GRM7: variants seen among roughly 807,000 people sequenced by gnomAD.
GRM7 encodes glutamate metabotropic receptor 7.
In GRM7, 35 loss-of-function variants were observed where a neutral mutation model predicts 84.5. The observed-to-expected ratio is 0.41, with a 90% CI of 0.32 to 0.55. The LOEUF (loss-of-function observed/expected upper bound fraction) is 0.55, where lower values mean the gene tolerates loss of function less well. GRM7 is among the 20% of genes least tolerant of loss of function. The pLI is 0.19. For synonymous variants in GRM7, 487 were observed against 455.1 expected, an observed-to-expected ratio of 1.07 and a Z score of -0.89; for missense variants, 1,003 against 1,194.6, an observed-to-expected ratio of 0.84 and a Z score of 2.36.
At chr3:7,400,168 C>T (rs1056005002) in intron 4 of GRM7, among the ~76,000 whole-genome samples, 1 of 152,118 alleles carries the variant, frequency 6.6e-6, no homozygotes, top group African/African-American at 2.4e-5. Flanking sequence ...ATCTGGTGAA[C>T]CTGAGACAGG....
chr3:6,942,602 T>C (rs1697930411), intron 1 of GRM7, among the ~76,000 whole-genome samples: 1 of 152,134 alleles, frequency 6.6e-6, no homozygotes, highest in Non-Finnish European at 1.5e-5. Flanking sequence ...CATTGTATAG[T>C]TCACACCACA....
intron 5 of GRM7, among the ~76,000 whole-genome samples, chr3:7,446,689 A>G (rs1460166195): frequency 6.6e-6 from 1 of 151,634 alleles, no homozygotes; most frequent in Non-Finnish European, 1.5e-5. Context: ...TGAACTCCTG[A>G]CCTCAGGTGA....
At chr3:7,595,935 C>T (rs1448810033) in intron 8 of GRM7, among the ~76,000 whole-genome samples, 1 of 152,092 alleles carries the variant, frequency 6.6e-6, no homozygotes, top group Non-Finnish European at 1.5e-5. Context: ...TGATTTTGAG[C>T]ATGAGCTGAC....
intron 1 of GRM7, among the ~76,000 whole-genome samples, chr3:7,117,556 C>A (rs562465150): frequency 6.6e-6 from 1 of 152,120 alleles, no homozygotes; most frequent in Non-Finnish European, 1.5e-5. Context: ...CTCTGGGGCC[C>A]TCCTGGGTAT....
rs980021628 is a variant in GRM7, at chr3:7,370,770, G to C, written c.1034-44253G>C. On this transcript the variant is annotated intron_variant, in intron 4 of 9. Transcript: ENST00000357716. The stretch of plus-strand genomic sequence containing the variant: ...AGAAATCGTGTACATCAGTGTCAGG[G>C]TTGGTACTTTAATATGTTTGGTGCA... Among the ~76,000 whole-genome samples, 6 of 152,120 alleles carry C rather than the reference G, an allele frequency of 3.9e-5. No homozygotes were observed. The East Asian group carries it at 5.8e-4, about 15-fold the overall frequency.
At chr3:6,874,386 C>T (rs906233563) in intron 1 of GRM7, among the ~76,000 whole-genome samples, 1 of 152,072 alleles carries the variant, frequency 6.6e-6, no homozygotes, top group African/African-American at 2.4e-5. Context: ...TAAACTGTAC[C>T]CCCAGTCAGA....
chr3:7,499,230 C>T (rs1699804114), intron 7 of GRM7, among the ~76,000 whole-genome samples: 2 of 152,158 alleles, frequency 1.3e-5, no homozygotes, highest in South Asian at 4.2e-4. Flanking sequence ...TTGCAGGCAC[C>T]CAGAAAGTGT....
At chr3:7,664,168 G>C (rs1197702650) in intron 8 of GRM7, among the ~76,000 whole-genome samples, 1 of 152,134 alleles carries the variant, frequency 6.6e-6, no homozygotes, top group Non-Finnish European at 1.5e-5. Context: ...AACCCAAGAT[G>C]AGAGTCCTCT....
chr3:7,428,485 T>C (rs1696700775), intron 5 of GRM7, among the ~76,000 whole-genome samples: 1 of 152,132 alleles, frequency 6.6e-6, no homozygotes, highest in Admixed American at 6.6e-5. Flanking sequence ...TCTGTACTAT[T>C]AATGAGTGCT....
intron 8 of GRM7, among the ~76,000 whole-genome samples, chr3:7,591,035 G>A (rs1042964840): frequency 1.3e-5 from 2 of 152,294 alleles, no homozygotes; most frequent in African/African-American, 4.8e-5. Context: ...AGGAATGAAT[G>A]AATCTGTTGT....
intron 5 of GRM7, among the ~76,000 whole-genome samples, chr3:7,447,632 T>A (rs1697573094): frequency 6.6e-6 from 1 of 152,010 alleles, no homozygotes; most frequent in African/African-American, 2.4e-5. Flanking sequence ...AGTTGCGGGG[T>A]GCGTGGGCCG....
chr3:6,866,719 A>C (rs1026063058), intron 1 of GRM7, among the ~76,000 whole-genome samples: 19 of 152,188 alleles, frequency 1.2e-4, no homozygotes, highest in African/African-American at 4.6e-4. Flanking sequence ...ATTCCCATTC[A>C]TCTTGCAAAA....
intron 4 of GRM7, among the ~76,000 whole-genome samples, chr3:7,369,961 A>T (rs1694064252): frequency 6.6e-6 from 1 of 152,138 alleles, no homozygotes; most frequent in Non-Finnish European, 1.5e-5. Flanking sequence ...AGAAATAGCT[A>T]AGAAGATGCA....
At chr3:7,522,694 A>C (rs1369629248) in intron 7 of GRM7, among the ~76,000 whole-genome samples, 1 of 152,198 alleles carries the variant, frequency 6.6e-6, no homozygotes, top group Non-Finnish European at 1.5e-5. Flanking sequence ...ATTAAGTAAC[A>C]TGTCAAGATC....
At chr3:7,057,808 A>G (rs1275496160) in intron 1 of GRM7, among the ~76,000 whole-genome samples, 1 of 151,842 alleles carries the variant, frequency 6.6e-6, no homozygotes, top group Non-Finnish European at 1.5e-5. Context: ...TATCAGGATG[A>G]TCTCTCGATC....
chr3:7,523,095 A>T (rs997552430), intron 7 of GRM7, among the ~76,000 whole-genome samples: 5 of 152,082 alleles, frequency 3.3e-5, no homozygotes, highest in African/African-American at 1.2e-4. Context: ...AGCAATTTCT[A>T]TTGTATTTAG....
chr3:7,590,997 C>T (rs933741393), intron 8 of GRM7, among the ~76,000 whole-genome samples: 7 of 152,062 alleles, frequency 4.6e-5, no homozygotes, highest in Admixed American at 2.6e-4. Context: ...TCAATAAATC[C>T]CTGTGGATTG....
At chr3:6,909,381 A>G (rs1435881471) in intron 1 of GRM7, among the ~76,000 whole-genome samples, 2 of 152,136 alleles carry the variant, frequency 1.3e-5, no homozygotes, top group African/African-American at 4.8e-5. Flanking sequence ...CAAACCACCC[A>G]TTTGCCTTTC....
intron 8 of GRM7, among the ~76,000 whole-genome samples, chr3:7,657,318 C>T (rs1367679587): frequency 6.6e-6 from 1 of 152,108 alleles, no homozygotes; most frequent in Non-Finnish European, 1.5e-5. Context: ...CCTGTCATGC[C>T]ATAACACGCT....
Sources: gnomAD v4.1 joint callset for allele counts (sites outside exome capture counted in the v4.1 genomes callset) on GRCh38, gnomAD v4.1.1 for gene constraint, MANE v1.5 for transcripts, NCBI Gene and HGNC (gene_info 2026-07-23, HGNC 2026-07-21) for gene names.